The following EIF4B variants were observed in gnomAD, a reference collection of about 807,000 sequenced individuals.
The protein encoded by EIF4B is eukaryotic translation initiation factor 4B.
EIF4B carries 8 observed loss-of-function variants against 79.3 expected under a neutral mutation model. That is an observed-to-expected ratio of 0.10 (90% CI 0.06 to 0.18). The LOEUF (loss-of-function observed/expected upper bound fraction) is 0.18. Among genes scored for constraint, EIF4B ranks in the 10% least tolerant of loss-of-function variants. The probability of loss-of-function intolerance (pLI) is 1.00; values close to 1 mark genes in which losing one functional copy is unlikely to be tolerated. For missense variants in EIF4B, 515 were observed against 792.4 expected (o/e 0.65, Z 4.20); for synonymous variants, 238 against 274.7 (o/e 0.87, Z 1.32).
intron 8 of EIF4B, among the ~76,000 whole-genome samples, chr12:53,032,369 G>A (rs1295144965): frequency 6.6e-6 from 1 of 152,176 alleles, no homozygotes; most frequent in Non-Finnish European, 1.5e-5. Flanking sequence ...GGAGGCAGAG[G>A]TTGCAGTGAG....
In EIF4B at chr12:53,037,630, A is replaced by C. The variant is rs1209219757; in HGVS notation, c.1520+8A>C. The C allele has an allele frequency of 1.2e-6, 2 of 1,613,644 alleles. No homozygotes were observed. The highest frequency in any genetic ancestry group is 4.5e-5 in the East Asian group (2 of 44,878). On this transcript the variant is annotated splice_region_variant and intron_variant, in intron 11 of 14. Transcript: ENST00000262056. ...GCAGCAGTCCCCTACAAGGTGAGTC[A>C]GTTTGGAAACAGTAGTTGGTTAACT...
At chr12:53,024,844 A>G (rs1309830584) in intron 6 of EIF4B, among the ~76,000 whole-genome samples, 1 of 152,000 alleles carries the variant, frequency 6.6e-6, no homozygotes, top group African/African-American at 2.4e-5. Flanking sequence ...TTTAGTAGAG[A>G]TGGGGTTTCA....
intron 10 of EIF4B, 141 bp from the exon 11 acceptor site, chr12:53,037,268 T>G (rs1044245045): frequency 2.3e-6 from 2 of 875,636 alleles, no homozygotes; most frequent in Non-Finnish European, 3.5e-6. Flanking sequence ...CTGGAAATAC[T>G]TGTAAACCAC....
chr12:53,028,750 T>C (rs1309927004), intron 8 of EIF4B, among the ~76,000 whole-genome samples: 1 of 152,138 alleles, frequency 6.6e-6, no homozygotes, highest in Non-Finnish European at 1.5e-5. Context: ...CAGATGGTTT[T>C]AGCTCCATTT....
rs1275985246 is a variant in EIF4B at position 53,040,423 on chromosome 12, C to T, written c.*200C>T. 1 of 516,722 alleles carries T rather than the reference C, an allele frequency of 1.9e-6. No individual in the cohort carries two copies. The highest frequency in any genetic ancestry group is 1.9e-5 in the African/African-American group (1 of 51,690). 32.0% of individuals were successfully genotyped at this position (516,722 alleles called of 1,614,324 possible). On this transcript the variant is annotated 3_prime_UTR_variant, in exon 15 of 15. Transcript: ENST00000262056. ...AGTATTGAAGTAACTGGAGAATTGC[C>T]AATACAGCCAGAGAGAAAGGGACTA... is the stretch of plus-strand genomic sequence containing the variant.
At chr12:53,037,869 G>A (rs1327047213) in intron 11 of EIF4B, 1 of 523,836 alleles carries the variant, frequency 1.9e-6, no homozygotes. Flanking sequence ...TGCAAATACT[G>A]TAAGTCAGAG....
intron 1 of EIF4B, among the ~76,000 whole-genome samples, chr12:53,007,400 C>T (rs1942985063): frequency 6.9e-6 from 1 of 144,838 alleles, no homozygotes; most frequent in South Asian, 2.2e-4. Flanking sequence ...ATTTGGATAG[C>T]TCCAATGGTA....
In EIF4B at chr12:53,012,597, CT is replaced by C. The variant is rs544968494; in HGVS notation, c.14-3863del. On this transcript the variant is annotated intron_variant, in intron 1 of 14. Transcript: ENST00000262056. ...CCAACAGTAATTTCTTTTTTTTTTC[CT>C]TTTTTTTTTTTTCTTTTTTTTGTGG... Among the ~76,000 whole-genome samples the C allele has an allele frequency of 1.4e-3, 200 of 141,588 alleles. 1 individual carries two copies. The highest frequency in any genetic ancestry group is 2.9e-3 in the African/African-American group (111 of 38,436). The allele number at this position is 141,588 out of a possible 152,430, so 92.9% of individuals were successfully genotyped here. A position where few individuals can be genotyped will look rare whatever the true frequency, so the allele number is the denominator to read the frequency against.
intron 10 of EIF4B, among the ~76,000 whole-genome samples, chr12:53,035,998 C>A (rs1314271237): frequency 3.1e-3 from 62 of 19,846 alleles, no homozygotes; most frequent in Middle Eastern, 0.062. Context: ...TTTGAACGGG[C>A]TGGTCTCAAA....
chr12:53,035,375 T>A (rs58164937), intron 10 of EIF4B, among the ~76,000 whole-genome samples: 67,056 of 149,278 alleles, frequency 0.45, 17,894 homozygotes, highest in Middle Eastern at 0.62. Context: ...TTATTTATTT[T>A]CTTTTTTTTT....
At chr12:53,038,501 G>A (rs1943575310) in intron 12 of EIF4B, 90 bp downstream of exon 12, 8 of 1,283,050 alleles carry the variant, frequency 6.2e-6, no homozygotes, top group East Asian at 5.2e-5. Flanking sequence ...AGTGTGTCTC[G>A]CACCTGATAC....
At chr12:53,025,207 A>G (rs1428338058) in intron 6 of EIF4B, 2 of 455,832 alleles carry the variant, frequency 4.4e-6, no homozygotes, top group Non-Finnish European at 8.8e-6. Context: ...CATTTATGCA[A>G]GAGATTCTAT....
Position 53,018,927 on chromosome 12 carries a change from C to T in EIF4B, c.281C>T (p.Pro94Leu). The change falls in exon 3 of 15, where the codon CCA (proline) becomes CTA (leucine). Residue 94 changes from proline to leucine, a missense_variant. Physicochemically the swap from Pro to Leu is moderately conservative, Grantham distance 98 (BLOSUM62 -3). Transcript: ENST00000262056. ...NIDRSRLPKS[P>L]PYTAFLGNLP... ...GACCGGAGCCGTCTTCCCAAATCGCCACCCTACACTGCTTTTCTAGGAAAC... is the reference window on the plus strand; with the variant it reads ...GACCGGAGCCGTCTTCCCAAATCGCTACCCTACACTGCTTTTCTAGGAAAC... 6.2e-7 allele frequency: 1 copy of T among 1,614,022 alleles called. No individual in the cohort carries two copies. The highest frequency in any genetic ancestry group is 8.5e-7 in the Non-Finnish European group (1 of 1,179,946).
chr12:53,022,691 A>G (rs1405851830), intron 6 of EIF4B, 64 bp downstream of exon 6: 3 of 1,556,598 alleles, frequency 1.9e-6, no homozygotes, highest in South Asian at 2.4e-5. Context: ...TAATAGGACA[A>G]ATGTGTTACA....
chr12:53,026,432 C>G (rs748593791), intron 6 of EIF4B, among the ~76,000 whole-genome samples: 6 of 152,050 alleles, frequency 3.9e-5, no homozygotes, highest in Non-Finnish European at 7.4e-5. Flanking sequence ...TAGTTTATAA[C>G]ATAAACAACA....
chr12:53,038,178 C>G (rs555113329), intron 11 of EIF4B, 178 bp from the exon 12 acceptor site: 26 of 492,420 alleles, frequency 5.3e-5, no homozygotes, highest in African/African-American at 5.2e-4. Flanking sequence ...GCATATGGCA[C>G]TTTAGTGTTC....
chr12:53,034,495 T>A (rs1195576374), intron 9 of EIF4B, 117 bp from the exon 10 acceptor site: 1 of 914,108 alleles, frequency 1.1e-6, no homozygotes, highest in Non-Finnish European at 1.7e-6. Context: ...AAAGATAAAT[T>A]TATATGCATA....
At chr12:53,017,571 C>T (rs1943168922) in intron 2 of EIF4B, among the ~76,000 whole-genome samples, 1 of 152,006 alleles carries the variant, frequency 6.6e-6, no homozygotes, top group African/African-American at 2.4e-5. Flanking sequence ...ATATTTTTTC[C>T]TATGACCTGT....
chr12:53,023,382 G>A (rs945049247), intron 6 of EIF4B, among the ~76,000 whole-genome samples: 36 of 151,852 alleles, frequency 2.4e-4, no homozygotes, highest in African/African-American at 7.7e-4. Context: ...ACAGGCGCGC[G>A]CCACCACACC....
Sources: gnomAD v4.1 joint callset for allele counts (sites outside exome capture counted in the v4.1 genomes callset) on GRCh38, gnomAD v4.1.1 for gene constraint, MANE v1.5 for transcripts, NCBI Gene and HGNC (gene_info 2026-07-23, HGNC 2026-07-21) for gene names.